SLC39A14: variants seen among roughly 807,000 people sequenced by gnomAD.
SLC39A14 encodes metal cation symporter ZIP14.
Under a neutral mutation model 45.5 loss-of-function variants are expected in SLC39A14, and 19 were observed. The ratio of observed to expected loss-of-function variants is 0.42; its 90% CI spans 0.29 to 0.61. The LOEUF is 0.61. SLC39A14 is among the 20% of genes least tolerant of loss of function. The pLI, the probability that SLC39A14 is intolerant of heterozygous loss-of-function variation, is 0.22. For synonymous variants in SLC39A14, 264 were observed against 251.3 expected, an observed-to-expected ratio of 1.05 and a Z score of -0.48; for missense variants, 447 against 616.5, an observed-to-expected ratio of 0.73 and a Z score of 2.91.
At chr8:22,371,458 G>C (rs28582319) in intron 1 of SLC39A14, among the ~76,000 whole-genome samples, 34,911 of 134,414 alleles carry the variant, frequency 0.26, 5,290 homozygotes, top group East Asian at 0.54. Context: ...TTTTGAGACG[G>C]AGTCTCGCTC....
At chr8:22,418,258 C>T (rs1044926613) in intron 8 of SLC39A14, among the ~76,000 whole-genome samples, 3 of 152,046 alleles carry the variant, frequency 2.0e-5, no homozygotes, top group Non-Finnish European at 2.9e-5. Flanking sequence ...CCACAGAGTT[C>T]GTCTGTTTAA....
intron 8 of SLC39A14, among the ~76,000 whole-genome samples, chr8:22,429,081 G>A (rs1836430397): frequency 6.6e-6 from 1 of 151,972 alleles, no homozygotes; most frequent in Non-Finnish European, 1.5e-5. Context: ...GACCATCCTG[G>A]CTAACACGGT....
intron 1 of SLC39A14, among the ~76,000 whole-genome samples, chr8:22,400,772 A>C (rs186490431): frequency 6.6e-6 from 1 of 152,278 alleles, no homozygotes; most frequent in East Asian, 1.9e-4. Flanking sequence ...TAGGGGACTT[A>C]AGTGATGTGT....
At chr8:22,398,320 C>T (rs1041674112) in intron 1 of SLC39A14, 4 of 152,294 alleles carry the variant, frequency 2.6e-5, no homozygotes, top group African/African-American at 9.6e-5. Flanking sequence ...GCGTAAGAGC[C>T]CCACCCTGGC....
At position 22,422,425 on chromosome 8, in the gene SLC39A14, C is replaced by G; in HGVS notation, c.*2727C>G. On this transcript the variant is annotated 3_prime_UTR_variant, in exon 9 of 9. Transcript: ENST00000381237. ...CTTCTCTGTTTGGGTAGCGTAAGAG[C>G]TGAGTATAGTAAGTCCTCTTCCAAA... The G allele has an allele frequency of 1.0e-6, 1 of 985,818 alleles. No homozygotes were observed. Among genetic ancestry groups the G allele is most frequent in the Non-Finnish European group, 1.2e-6 (1 of 829,924 alleles). The allele number at this position is 985,818 out of a possible 1,614,324, so 61.1% of individuals were successfully genotyped here. A position where few individuals can be genotyped will look rare whatever the true frequency, so the allele number is the denominator to read the frequency against.
At chr8:22,371,414 C>CTTTTTTTTTTTTTTTTTTTTT (rs373230777) in intron 1 of SLC39A14, among the ~76,000 whole-genome samples, 1 of 120,128 alleles carries the variant, frequency 8.3e-6, no homozygotes. Context: ...AAATACATGT[C>CTTTTTTTTTTTTTTTTTTTTT]TTTTTTTTTT....
chr8:22,394,495 AT>A (rs1834264484), intron 1 of SLC39A14, among the ~76,000 whole-genome samples: 1 of 150,970 alleles, frequency 6.6e-6, no homozygotes, highest in South Asian at 2.1e-4. Context: ...AATTTTTTGT[AT>A]TTTTAGTAGA....
In SLC39A14 at chr8:22,419,451, C is replaced by T; in HGVS notation, c.1333-101C>T. 4 of 1,227,714 alleles carry T rather than the reference C, an allele frequency of 3.3e-6. No individual in the cohort carries two copies. In the Admixed American group the frequency reaches 8.5e-5, roughly 26 times the overall value. 76.1% of individuals were successfully genotyped at this position (1,227,714 alleles called of 1,614,324 possible). On this transcript the variant is annotated intron_variant, in intron 8 of 8. Transcript: ENST00000381237. ...CGCTGCACCTGGCCCTGATAATTTTCTTTGTCAACCAACCTGATCTATATC... is the reference window on the plus strand; with the variant it reads ...CGCTGCACCTGGCCCTGATAATTTTTTTTGTCAACCAACCTGATCTATATC...
chr8:22,394,381 G>A (rs1834255781), intron 1 of SLC39A14, among the ~76,000 whole-genome samples: 1 of 148,692 alleles, frequency 6.7e-6, no homozygotes, highest in South Asian at 2.1e-4. Flanking sequence ...CTGGAGTGCA[G>A]TGATCTCGGC....
chr8:22,368,651 C>T (rs1832774139), intron 1 of SLC39A14, among the ~76,000 whole-genome samples: 2 of 152,178 alleles, frequency 1.3e-5, no homozygotes, highest in South Asian at 4.1e-4. Flanking sequence ...ACTCTCCTGC[C>T]TCAGCCTCCC....
rs1201999420 is a variant in SLC39A14 at position 22,417,712 on chromosome 8, C to T, written c.1209C>T (p.Phe403=). 2 of 1,614,168 alleles carry T rather than the reference C, an allele frequency of 1.2e-6. No individual in the cohort carries two copies. Residue 403 remains phenylalanine (F), a synonymous_variant, in exon 8 of 9, where the codon TTC becomes TTT. Transcript: ENST00000381237. The part of the protein sequence containing the change: ...MSIQQALFFN[F]LSACCCYLGL... ...TCCAACAAGCTCTCTTCTTCAACTT[C>T]CTTTCTGCCTGCTGCTGCTACCTGG... is the stretch of plus-strand genomic sequence containing the variant.
chr8:22,407,319 G>A (rs1361034977), intron 2 of SLC39A14, among the ~76,000 whole-genome samples: 9 of 152,162 alleles, frequency 5.9e-5, no homozygotes, highest in African/African-American at 2.2e-4. Context: ...GATTTGGTAC[G>A]AAGCTTGTAT....
At chr8:22,373,057 A>T (rs1833017909) in intron 1 of SLC39A14, among the ~76,000 whole-genome samples, 1 of 152,046 alleles carries the variant, frequency 6.6e-6, no homozygotes, top group Non-Finnish European at 1.5e-5. Flanking sequence ...AGGTCAAGAG[A>T]TCCCGACCAT....
In SLC39A14 at chr8:22,416,183, C is replaced by G. The variant is rs770187651; in HGVS notation, c.1050C>G (p.Ile350Met). 1 of 1,613,942 alleles carries G rather than the reference C, an allele frequency of 6.2e-7. No individual in the cohort carries two copies. The highest frequency in any genetic ancestry group is 8.5e-7 in the Non-Finnish European group (1 of 1,180,028). Residue 350 changes from isoleucine (I) to methionine (M), a missense_variant, in exon 7 of 9, where the codon ATC becomes ATG. By Grantham distance (10) the Ile-to-Met change is conservative. Coordinates refer to ENST00000381237, the MANE Select transcript of SLC39A14 (RefSeq NM_001128431.4). ...ITLSDGLHNF[I>M]DGLAIGASFT... Reference sequence around the variant, plus strand: ...TGAGCGACGGCCTCCATAATTTCATCGATGGCCTGGCCATCGGTGCTTCCT... The same window carrying G: ...TGAGCGACGGCCTCCATAATTTCATGGATGGCCTGGCCATCGGTGCTTCCT...
chr8:22,420,488 CAGTT>C lies in SLC39A14; in HGVS notation c.*791_*794del, dbSNP rs1488210288. Reference sequence around the variant, plus strand: ...GAGGCTCAGGCTGTCTGCAAGAAAACAGTTGGTTTGGCTGTGATTTTGACCTCCT... The same window carrying C: ...GAGGCTCAGGCTGTCTGCAAGAAAACGGTTTGGCTGTGATTTTGACCTCCT... On this transcript the variant is annotated 3_prime_UTR_variant, in exon 9 of 9. Transcript: ENST00000381237. 7.1e-6 allele frequency: 7 copies of C among 985,312 alleles called. No homozygotes were observed. In the African/African-American group the frequency reaches 8.7e-5, roughly 12 times the overall value. 61.0% of individuals were successfully genotyped at this position (985,312 alleles called of 1,614,324 possible).
chr8:22,396,240 G>A (rs979955688), intron 1 of SLC39A14, among the ~76,000 whole-genome samples: 1 of 151,624 alleles, frequency 6.6e-6, no homozygotes, highest in Non-Finnish European at 1.5e-5. Flanking sequence ...GGTGGTGCAT[G>A]CATGTAATTC....
intron 3 of SLC39A14, 53 bp from the exon 4 acceptor site, chr8:22,411,984 A>G: frequency 2.7e-6 from 4 of 1,505,358 alleles, no homozygotes; most frequent in Non-Finnish European, 3.6e-6. Context: ...GCAATGGGGC[A>G]TGTGCCTTCT....
chr8:22,420,576 G>A lies in SLC39A14; in HGVS notation c.*878G>A, dbSNP rs1455594192. 4.1e-6 allele frequency: 4 copies of A among 985,256 alleles called. No homozygotes were observed. In the East Asian group the frequency reaches 4.5e-4, roughly 112 times the overall value. The allele number at this position is 985,256 out of a possible 1,614,324, so 61.0% of individuals were successfully genotyped here. On this transcript the variant is annotated 3_prime_UTR_variant, in exon 9 of 9. Transcript: ENST00000381237. ...GCTGCCTCCTAGAAGCACATTCTGA[G>A]CACATTTGAGACCTCTGTGTTAGAG...
rs751091339 is a variant in SLC39A14, at chr8:22,409,915, G to A, written c.457+1419G>A. ...AGGAGTGTCCCCACCCTCAGTAATAGAGGCCCTCGTCTGTTCTTGTTCCTC... is the reference window on the plus strand; with the variant it reads ...AGGAGTGTCCCCACCCTCAGTAATAAAGGCCCTCGTCTGTTCTTGTTCCTC... On this transcript the variant is annotated intron_variant, in intron 3 of 8. Coordinates refer to ENST00000381237, the MANE Select transcript of SLC39A14 (RefSeq NM_001128431.4). 3 of 1,612,090 alleles carry A rather than the reference G, an allele frequency of 1.9e-6. No homozygotes were observed. In the South Asian group the frequency reaches 3.3e-5, roughly 18 times the overall value.
Sources: gnomAD v4.1 joint callset for allele counts (sites outside exome capture counted in the v4.1 genomes callset) on GRCh38, gnomAD v4.1.1 for gene constraint, MANE v1.5 for transcripts, NCBI Gene and HGNC (gene_info 2026-07-23, HGNC 2026-07-21) for gene names.